CNTNAP5: variants seen among roughly 807,000 people sequenced by gnomAD.
The protein encoded by CNTNAP5 is contactin associated protein family member 5.
CNTNAP5 carries 72 observed loss-of-function variants against 150.2 expected under a neutral mutation model. The observed-to-expected ratio is 0.48, with a 90% CI of 0.40 to 0.58. CNTNAP5 has a LOEUF of 0.58. Ranked by LOEUF, CNTNAP5 falls within the 20% of genes least tolerant of loss-of-function variation. The probability of loss-of-function intolerance (pLI) is 0.00; values close to 1 mark genes in which losing one functional copy is unlikely to be tolerated. For missense variants in CNTNAP5, 1,636 were observed against 1,626.2 expected, an observed-to-expected ratio of 1.01 and a Z score of -0.10; for synonymous variants, 672 against 619.8, an observed-to-expected ratio of 1.08 and a Z score of -1.25.
intron 13 of CNTNAP5, among the ~76,000 whole-genome samples, chr2:124,706,898 A>AAGG (rs1558743219): frequency 0.035 from 671 of 19,306 alleles, 84 homozygotes; most frequent in Middle Eastern, 0.062. Flanking sequence ...GAAGAGGAAG[A>AAGG]AGAAGGAGGA....
chr2:124,286,907 G>A (rs1187860735), intron 3 of CNTNAP5, among the ~76,000 whole-genome samples: 2 of 152,246 alleles, frequency 1.3e-5, no homozygotes, highest in Middle Eastern at 3.4e-3. Context: ...TAAAGAAGTC[G>A]AGGTCACAAG....
rs114849258 is a variant in CNTNAP5, at chr2:124,877,099, T to C, written c.3436+7337T>C. Among the ~76,000 whole-genome samples the C allele has an allele frequency of 4.7e-3, 715 of 152,244 alleles. 6 individuals carry two copies. The highest frequency in any genetic ancestry group is 0.016 in the African/African-American group (676 of 41,564). ...CAGAGAAATTCAGTAGATGATTTAG[T>C]TTCTCCTCATGCAACAGGAATGTGT... On this transcript the variant is annotated intron_variant, in intron 21 of 23. Coordinates refer to ENST00000682447, the MANE Select transcript of CNTNAP5 (RefSeq NM_001367498.1).
intron 1 of CNTNAP5, among the ~76,000 whole-genome samples, chr2:124,165,814 T>A (rs1684799876): frequency 1.3e-5 from 2 of 152,158 alleles, no homozygotes; most frequent in Non-Finnish European, 2.9e-5. Context: ...ATTTTCCACA[T>A]AAAACCCCCA....
intron 10 of CNTNAP5, among the ~76,000 whole-genome samples, chr2:124,558,305 G>C (rs1695807033): frequency 2.6e-5 from 4 of 152,184 alleles, no homozygotes; most frequent in African/African-American, 9.7e-5. Flanking sequence ...TAAGCTATGA[G>C]AGAAGGAGAG....
chr2:124,573,015 A>G (rs1027626662), intron 11 of CNTNAP5, among the ~76,000 whole-genome samples: 1 of 152,216 alleles, frequency 6.6e-6, no homozygotes, highest in African/African-American at 2.4e-5. Flanking sequence ...CTAGTTACAC[A>G]TAGTAGACAA....
chr2:124,294,070 G>A (rs1278157337), intron 3 of CNTNAP5, among the ~76,000 whole-genome samples: 1 of 150,728 alleles, frequency 6.6e-6, no homozygotes, highest in Non-Finnish European at 1.5e-5. Flanking sequence ...GTGGAAGGAG[G>A]CTGGGTGTCT....
At position 124,052,751 on chromosome 2, in the gene CNTNAP5, G is replaced by C. The variant is rs142887166; in HGVS notation, c.82+27019G>C. Among the ~76,000 whole-genome samples the C allele has an allele frequency of 5.3e-3, 802 of 152,280 alleles. 5 individuals carry two copies. Among genetic ancestry groups the C allele is most frequent in the African/African-American group, 0.018 (747 of 41,562 alleles). ...CAGCAAATAAGAACCTAAGTAGCCT[G>C]GTTTTGGCTGACCTCTCTGAACTCA... On this transcript the variant is annotated intron_variant, in intron 1 of 23. Transcript: ENST00000682447.
chr2:124,181,824 T>C (rs535882028), intron 1 of CNTNAP5, among the ~76,000 whole-genome samples: 1 of 152,330 alleles, frequency 6.6e-6, no homozygotes, highest in South Asian at 2.1e-4. Flanking sequence ...TAAGATGGTA[T>C]CATTTGTACA....
intron 21 of CNTNAP5, among the ~76,000 whole-genome samples, chr2:124,874,061 C>A (rs914692028): frequency 2.6e-5 from 4 of 151,780 alleles, no homozygotes; most frequent in African/African-American, 9.7e-5. Context: ...CCTGAAGGTC[C>A]CCATGATGTA....
intron 3 of CNTNAP5, among the ~76,000 whole-genome samples, chr2:124,294,754 C>T (rs1688379175): frequency 6.6e-6 from 1 of 152,202 alleles, no homozygotes; most frequent in African/African-American, 2.4e-5. Context: ...CGCACTTTCA[C>T]TTTAATGTGG....
chr2:124,714,078 T>A (rs910152748), intron 13 of CNTNAP5, among the ~76,000 whole-genome samples: 2 of 152,158 alleles, frequency 1.3e-5, no homozygotes, highest in Non-Finnish European at 2.9e-5. Context: ...CTCTAGGTTT[T>A]CTTCACTGAC....
chr2:124,127,036 C>T (rs1036171823), intron 1 of CNTNAP5, among the ~76,000 whole-genome samples: 6 of 152,138 alleles, frequency 3.9e-5, no homozygotes, highest in Non-Finnish European at 8.8e-5. Context: ...TCTTATTCAA[C>T]ATACTGTTGG....
intron 3 of CNTNAP5, among the ~76,000 whole-genome samples, chr2:124,280,742 C>T (rs945462234): frequency 6.6e-6 from 1 of 151,970 alleles, no homozygotes; most frequent in Admixed American, 6.6e-5. Flanking sequence ...CTTATCCCAT[C>T]TTGTTACATG....
chr2:124,879,527 G>A (rs896257481), intron 21 of CNTNAP5, among the ~76,000 whole-genome samples: 13 of 152,106 alleles, frequency 8.5e-5, no homozygotes, highest in Non-Finnish European at 1.9e-4. Context: ...TTGGGAGTCA[G>A]ACAGTGCTGA....
intron 17 of CNTNAP5, among the ~76,000 whole-genome samples, chr2:124,777,256 T>C (rs979098199): frequency 1.8e-4 from 28 of 152,318 alleles, no homozygotes; most frequent in African/African-American, 6.5e-4. Flanking sequence ...GTTCTGTTTT[T>C]ATATTCAGGA....
intron 1 of CNTNAP5, among the ~76,000 whole-genome samples, chr2:124,135,557 A>G (rs1420478750): frequency 6.6e-6 from 1 of 152,228 alleles, no homozygotes; most frequent in Non-Finnish European, 1.5e-5. Context: ...CATAAGAAGA[A>G]CTTACATTAA....
chr2:124,785,953 A>T (rs1312171251), intron 17 of CNTNAP5, among the ~76,000 whole-genome samples: 3 of 152,124 alleles, frequency 2.0e-5, no homozygotes, highest in African/African-American at 7.2e-5. Context: ...AGAAGCAGAC[A>T]AGCTGGCCGT....
At chr2:124,433,135 TATTCCATGAGTGG>T (rs1692433339) in intron 4 of CNTNAP5, among the ~76,000 whole-genome samples, 1 of 152,182 alleles carries the variant, frequency 6.6e-6, no homozygotes, top group Admixed American at 6.5e-5. Flanking sequence ...CAGTCCTCAC[TATTCCATGAGTGG>T]TGGCAGCTGT....
At chr2:124,901,732 G>A (rs559161308) in intron 21 of CNTNAP5, among the ~76,000 whole-genome samples, 6 of 152,258 alleles carry the variant, frequency 3.9e-5, no homozygotes, top group Admixed American at 2.6e-4. Flanking sequence ...AACAATACAC[G>A]ATTTGATTTT....
Sources: allele counts gnomAD v4.1 joint callset (sites outside exome capture counted in the v4.1 genomes callset), GRCh38; gene constraint gnomAD v4.1.1; transcripts MANE v1.5; gene names NCBI Gene and HGNC (gene_info 2026-07-23, HGNC 2026-07-21).